SYN3: variants seen among roughly 807,000 people sequenced by gnomAD.
SYN3 encodes the protein synapsin III.
Under a neutral mutation model 65.8 loss-of-function variants are expected in SYN3, and 35 were observed. The observed-to-expected ratio is 0.53, with a 90% CI of 0.41 to 0.70. The LOEUF is 0.70. Ranked by LOEUF, SYN3 falls within the 30% of genes least tolerant of loss-of-function variation. The probability of loss-of-function intolerance (pLI) is 0.00; values close to 1 mark genes in which losing one functional copy is unlikely to be tolerated. For synonymous variants in SYN3, 270 were observed against 292.9 expected (o/e 0.92, Z 0.80); for missense variants, 680 against 749.0 (o/e 0.91, Z 1.08).
intron 6 of SYN3, chr22:32,629,590 C>T (rs374699267): frequency 6.6e-6 from 1 of 152,238 alleles, no homozygotes; most frequent in South Asian, 2.1e-4. Context: ...GTCCAAACAC[C>T]TCCTTTTTCT....
intron 6 of SYN3, among the ~76,000 whole-genome samples, chr22:32,703,919 A>ATGT (rs2060844795): frequency 6.6e-6 from 1 of 152,210 alleles, no homozygotes; most frequent in South Asian, 2.1e-4. Context: ...AATTACACTT[A>ATGT]ACTAATGTAA....
intron 6 of SYN3, among the ~76,000 whole-genome samples, chr22:32,796,719 TG>T: frequency 6.6e-6 from 1 of 152,140 alleles, no homozygotes; most frequent in Middle Eastern, 3.4e-3. Context: ...GAAGGCATCG[TG>T]GCTAGGGTCT....
intron 7 of SYN3, among the ~76,000 whole-genome samples, chr22:32,570,509 T>C (rs3788459): frequency 0.31 from 45,874 of 150,190 alleles, 7,295 homozygotes; most frequent in East Asian, 0.51. Flanking sequence ...AAGCTGTGCA[T>C]GTTTCTCTCC....
chr22:32,886,386 G>C (rs1173926457), intron 4 of SYN3, among the ~76,000 whole-genome samples: 1 of 152,188 alleles, frequency 6.6e-6, no homozygotes, highest in Non-Finnish European at 1.5e-5. Flanking sequence ...TAAAGGAAAA[G>C]AGAAGGGGCT....
chr22:32,811,444 G>A (rs760543212), intron 6 of SYN3, among the ~76,000 whole-genome samples: 27 of 152,172 alleles, frequency 1.8e-4, no homozygotes, highest in Non-Finnish European at 3.7e-4. Context: ...GGAAAATGGC[G>A]CTCTGTGGTG....
intron 3 of SYN3, among the ~76,000 whole-genome samples, chr22:32,957,159 G>A (rs1305893915): frequency 6.6e-6 from 1 of 152,200 alleles, no homozygotes; most frequent in East Asian, 1.9e-4. Flanking sequence ...TTTACAATAA[G>A]GAAGTTAAGC....
At chr22:32,717,062 T>G (rs1171143086) in intron 6 of SYN3, among the ~76,000 whole-genome samples, 1 of 152,198 alleles carries the variant, frequency 6.6e-6, no homozygotes, top group African/African-American at 2.4e-5. Flanking sequence ...CTAGGCAGTC[T>G]TCTAAGAAAC....
chr22:32,836,934 T>C (rs185657332), intron 6 of SYN3, among the ~76,000 whole-genome samples: 98 of 152,278 alleles, frequency 6.4e-4, no homozygotes, highest in African/African-American at 2.2e-3. Context: ...TCCTGCCCAC[T>C]CCTGGTGCAT....
Position 32,882,911 on chromosome 22 carries a change from C to G in SYN3, c.462-13786G>C, listed in dbSNP as rs574169232. Among the ~76,000 whole-genome samples the G allele has an allele frequency of 3.1e-4, 47 of 152,236 alleles. No individual in the cohort carries two copies. In the East Asian group the frequency reaches 7.5e-3, roughly 24 times the overall value. On this transcript the variant is annotated intron_variant, in intron 4 of 13. Coordinates refer to ENST00000358763, the MANE Select transcript of SYN3 (RefSeq NM_003490.4). Reference sequence around the variant, plus strand: ...AAGGCTTCTGAAGTCCCCCCGCCCCCCAACCAGCTCCTCTAAGCCCTTGCT... The same window carrying G: ...AAGGCTTCTGAAGTCCCCCCGCCCCGCAACCAGCTCCTCTAAGCCCTTGCT...
chr22:32,696,557 T>A (rs918373683), intron 6 of SYN3, among the ~76,000 whole-genome samples: 7 of 152,214 alleles, frequency 4.6e-5, no homozygotes, highest in African/African-American at 1.7e-4. Flanking sequence ...TACAAGTATG[T>A]CTTTTCCACC....
rs1372057221 is a variant in SYN3 at position 32,509,591 on chromosome 22, CAG to C, written c.*4099_*4100del. On this transcript the variant is annotated 3_prime_UTR_variant, in exon 14 of 14. Transcript: ENST00000358763. The stretch of plus-strand genomic sequence containing the variant: ...TATTATTATTATTATTATTTTGAGA[CAG>C]AGTCTCACTCTGTTGCCCAGGCTGG... Among the ~76,000 whole-genome samples the C allele has an allele frequency of 2.0e-5, 3 of 151,712 alleles. No individual in the cohort carries two copies. The highest frequency in any genetic ancestry group is 1.9e-4 in the East Asian group (1 of 5,172).
intron 6 of SYN3, among the ~76,000 whole-genome samples, chr22:32,622,865 C>T (rs184966381): frequency 2.0e-5 from 3 of 151,856 alleles, no homozygotes; most frequent in Admixed American, 2.0e-4. Context: ...TCTAGTTTAG[C>T]TTGTGTTTTA....
intron 3 of SYN3, among the ~76,000 whole-genome samples, chr22:32,970,639 T>C (rs903564999): frequency 6.7e-6 from 1 of 148,160 alleles, no homozygotes; most frequent in African/African-American, 2.5e-5. Context: ...AATGAAAAAA[T>C]ATAGAATTGT....
intron 6 of SYN3, among the ~76,000 whole-genome samples, chr22:32,665,020 G>GAT (rs2060271390): frequency 2.7e-5 from 2 of 75,224 alleles, no homozygotes; most frequent in African/African-American, 5.0e-5. Flanking sequence ...TTTTTTTTGG[G>GAT]GCAGAGCCTG....
At chr22:33,038,052 C>T (rs1601945349) in intron 1 of SYN3, among the ~76,000 whole-genome samples, 1 of 151,808 alleles carries the variant, frequency 6.6e-6, no homozygotes, top group African/African-American at 2.4e-5. Context: ...GAAAAAAGAA[C>T]TAGATTAAAA....
At chr22:32,997,351 A>G (rs1202491291) in intron 2 of SYN3, among the ~76,000 whole-genome samples, 1 of 152,176 alleles carries the variant, frequency 6.6e-6, no homozygotes, top group Non-Finnish European at 1.5e-5. Flanking sequence ...TCTGTCATTC[A>G]TGTGCTTGTT....
chr22:32,858,209 T>A (rs960828687), intron 6 of SYN3: 7 of 1,594,456 alleles, frequency 4.4e-6, no homozygotes, highest in Admixed American at 3.4e-5. Flanking sequence ...CAGCTCCCAA[T>A]GCACTGGGTG....
At chr22:32,895,173 T>G (rs1402566878) in intron 4 of SYN3, among the ~76,000 whole-genome samples, 1 of 152,150 alleles carries the variant, frequency 6.6e-6, no homozygotes, top group Non-Finnish European at 1.5e-5. Flanking sequence ...CATATGGAAA[T>G]GTTAGATAGT....
chr22:32,835,592 T>A (rs528213164), intron 6 of SYN3, among the ~76,000 whole-genome samples: 2 of 152,164 alleles, frequency 1.3e-5, no homozygotes, highest in Non-Finnish European at 2.9e-5. Context: ...TAGAATGGTA[T>A]GTGCAAAGGC....
Sources: gnomAD v4.1 joint callset for allele counts (sites outside exome capture counted in the v4.1 genomes callset) on GRCh38, gnomAD v4.1.1 for gene constraint, MANE v1.5 for transcripts, NCBI Gene and HGNC (gene_info 2026-07-23, HGNC 2026-07-21) for gene names.